TMTC2: variants seen among roughly 807,000 people sequenced by gnomAD.
TMTC2 encodes transmembrane O-mannosyltransferase targeting cadherins 2.
A neutral mutation model predicts 82.4 loss-of-function variants in TMTC2; 43 were observed. The ratio of observed to expected loss-of-function variants is 0.52; its 90% confidence interval spans 0.41 to 0.67. TMTC2 has a LOEUF of 0.67. Among genes scored for constraint, TMTC2 ranks in the 30% least tolerant of loss-of-function variants. The pLI is 0.00. For missense variants in TMTC2, 919 were observed against 1,012.4 expected (o/e 0.91, Z 1.25); for synonymous variants, 408 against 381.9 (o/e 1.07, Z -0.80).
chr12:82,694,795 A>G (rs542030716), intron 1 of TMTC2, among the ~76,000 whole-genome samples: 4 of 152,112 alleles, frequency 2.6e-5, no homozygotes, highest in African/African-American at 9.7e-5. Context: ...TAAAAAAAAA[A>G]ACTGGTTCAC....
chr12:83,077,068 A>C (rs966470147), intron 11 of TMTC2, among the ~76,000 whole-genome samples: 1 of 152,196 alleles, frequency 6.6e-6, no homozygotes, highest in East Asian at 1.9e-4. Context: ...CTATTGTGAT[A>C]GGGGAGAGAG....
intron 1 of TMTC2, among the ~76,000 whole-genome samples, chr12:82,724,330 C>G (rs1874344042): frequency 6.6e-6 from 1 of 152,156 alleles, no homozygotes; most frequent in Non-Finnish European, 1.5e-5. Context: ...TGGTTTGGCT[C>G]TCTGTCCCCA....
intron 7 of TMTC2, among the ~76,000 whole-genome samples, chr12:82,984,671 T>C (rs1378316369): frequency 1.3e-5 from 2 of 152,182 alleles, no homozygotes; most frequent in East Asian, 1.9e-4. Flanking sequence ...AGAAACTGAA[T>C]AGTGTCTCTA....
chr12:82,991,113 C>A (rs1488327646), intron 8 of TMTC2, among the ~76,000 whole-genome samples: 1 of 152,088 alleles, frequency 6.6e-6, no homozygotes, highest in Non-Finnish European at 1.5e-5. Flanking sequence ...AGAATCTGAG[C>A]TTCAAAGGTT....
intron 7 of TMTC2, among the ~76,000 whole-genome samples, chr12:82,969,036 A>G (rs1321786132): frequency 1.3e-5 from 2 of 152,144 alleles, no homozygotes; most frequent in African/African-American, 2.4e-5. Context: ...ATTTTCTCAG[A>G]GAGTGAATTC....
chr12:82,944,734 A>G (rs762542233), intron 4 of TMTC2, among the ~76,000 whole-genome samples: 6 of 152,154 alleles, frequency 3.9e-5, no homozygotes, highest in Non-Finnish European at 7.4e-5. Flanking sequence ...AAATATTTCT[A>G]TGGACTTTTT....
chr12:82,987,834 G>A (rs181986772), intron 8 of TMTC2, among the ~76,000 whole-genome samples: 3 of 152,200 alleles, frequency 2.0e-5, no homozygotes, highest in East Asian at 3.9e-4. Flanking sequence ...AGAAGGCAGC[G>A]TGAATATTTG....
Position 82,963,828 on chromosome 12 carries a change from T to C in TMTC2, c.1599-1196T>C, listed in dbSNP as rs1406371750. The stretch of plus-strand genomic sequence containing the variant: ...ATATATATATATATATATATATATA[T>C]ATATATATATATATATATATATGTG... On this transcript the variant is annotated intron_variant, in intron 4 of 11. Transcript: ENST00000321196. 1.5e-3 allele frequency among the ~76,000 whole-genome samples: 150 copies of C among 99,628 alleles called. 7 individuals carry two copies. In the East Asian group the frequency reaches 0.019, roughly 13 times the overall value. 65.4% of individuals were successfully genotyped at this position (99,628 alleles called of 152,430 possible). A position where few individuals can be genotyped will look rare whatever the true frequency, so the allele number is the denominator to read the frequency against.
intron 11 of TMTC2, among the ~76,000 whole-genome samples, chr12:83,112,181 C>T (rs1422720281): frequency 6.6e-6 from 1 of 152,068 alleles, no homozygotes; most frequent in East Asian, 1.9e-4. Flanking sequence ...TTATAAATTT[C>T]TTTTTTGGCT....
chr12:82,692,264 T>C (rs367788514), intron 1 of TMTC2, among the ~76,000 whole-genome samples: 1 of 152,226 alleles, frequency 6.6e-6, no homozygotes. Flanking sequence ...GGTGATTCTA[T>C]GGGCTTTTGT....
chr12:82,777,030 C>G (rs1877635676), intron 1 of TMTC2, among the ~76,000 whole-genome samples: 1 of 152,182 alleles, frequency 6.6e-6, no homozygotes, highest in Non-Finnish European at 1.5e-5. Flanking sequence ...CCCTGTTTGT[C>G]TGAGTTGCAC....
At chr12:82,746,829 A>G (rs1012974500) in intron 1 of TMTC2, among the ~76,000 whole-genome samples, 4 of 152,238 alleles carry the variant, frequency 2.6e-5, no homozygotes, top group Non-Finnish European at 5.9e-5. Flanking sequence ...GTTTGAAGAC[A>G]GAGGAGGGCC....
intron 8 of TMTC2, among the ~76,000 whole-genome samples, chr12:82,989,984 T>C (rs1163134655): frequency 1.3e-5 from 2 of 152,190 alleles, no homozygotes; most frequent in African/African-American, 2.4e-5. Flanking sequence ...ATTTGGCAAA[T>C]TTCTGATCCC....
chr12:83,010,342 T>A (rs1796193), intron 8 of TMTC2, among the ~76,000 whole-genome samples: 1 of 152,044 alleles, frequency 6.6e-6, no homozygotes, highest in African/African-American at 2.4e-5. Flanking sequence ...CCTCCCAGAT[T>A]GTATCAAGGA....
At chr12:83,098,511 G>C (rs889716528) in intron 11 of TMTC2, among the ~76,000 whole-genome samples, 1 of 152,148 alleles carries the variant, frequency 6.6e-6, no homozygotes, top group African/African-American at 2.4e-5. Flanking sequence ...CTATTCTTCA[G>C]TCCTGTCACA....
chr12:82,898,447 T>A (rs1267648690), intron 3 of TMTC2, among the ~76,000 whole-genome samples: 1 of 152,228 alleles, frequency 6.6e-6, no homozygotes, highest in African/African-American at 2.4e-5. Context: ...TTATTAAATT[T>A]ATTAAGTTTC....
At position 82,975,886 on chromosome 12, in the gene TMTC2, A is replaced by G. The variant is rs1376078047; in HGVS notation, c.1948+8889A>G. ...CATTCTTTTTTCCTTTCTCTGGTATAAACTTTTTTTTAAAAAAAAAATAAT... is the reference window on the plus strand; with the variant it reads ...CATTCTTTTTTCCTTTCTCTGGTATGAACTTTTTTTTAAAAAAAAAATAAT... On this transcript the variant is annotated intron_variant, in intron 7 of 11. Transcript: ENST00000321196. Among the ~76,000 whole-genome samples, 8 of 39,836 alleles carry G rather than the reference A, an allele frequency of 2.0e-4. No homozygotes were observed. In the Admixed American group the frequency reaches 3.1e-3, roughly 16 times the overall value. 26.1% of individuals were successfully genotyped at this position (39,836 alleles called of 152,430 possible).
chr12:82,808,324 T>C lies in TMTC2; in HGVS notation c.84-48686T>C, dbSNP rs181709889. On this transcript the variant is annotated intron_variant, in intron 1 of 11. Transcript: ENST00000321196. ...TTTTTTCTTGAAGTTTTGTTATGCT[T>C]GCTTAAAAAATAGACAGTATAATTT... 1.1e-3 allele frequency among the ~76,000 whole-genome samples: 159 copies of C among 148,158 alleles called. 1 individual carries two copies. The highest frequency in any genetic ancestry group is 8.6e-3 in the Admixed American group (129 of 15,024).
intron 2 of TMTC2, among the ~76,000 whole-genome samples, chr12:82,891,696 A>G (rs1430326935): frequency 6.6e-6 from 1 of 151,652 alleles, no homozygotes; most frequent in Non-Finnish European, 1.5e-5. Context: ...ACTTTTTTTA[A>G]TTTTTATTTT....
Sources: allele counts gnomAD v4.1 joint callset (sites outside exome capture counted in the v4.1 genomes callset), GRCh38; gene constraint gnomAD v4.1.1; transcripts MANE v1.5; gene names NCBI Gene and HGNC (gene_info 2026-07-23, HGNC 2026-07-21).